Variants in CAMSAP2 observed in about 807,000 individuals in gnomAD.
CAMSAP2 encodes calmodulin regulated spectrin associated protein family member 2.
A neutral mutation model predicts 146.1 loss-of-function variants in CAMSAP2; 26 were observed. That is an observed-to-expected ratio of 0.18 (90% CI 0.13 to 0.25). The LOEUF is 0.25. Ranked by LOEUF, CAMSAP2 falls within the 10% of genes least tolerant of loss-of-function variation. The pLI, the probability that CAMSAP2 is intolerant of heterozygous loss-of-function variation, is 1.00. For missense variants in CAMSAP2, 1,381 were observed against 1,759.3 expected (o/e 0.78, Z 3.85); for synonymous variants, 499 against 596.6 (o/e 0.84, Z 2.38).
In CAMSAP2 at chr1:200,842,078, C is replaced by T. The variant is rs1667336974; in HGVS notation, c.1012C>T (p.Pro338Ser). The change falls in exon 7 of 17, where the codon CCA becomes TCA. Residue 338 changes from proline (P) to serine (S), a missense_variant. Physicochemically the swap from Pro to Ser is moderately conservative, Grantham distance 74. This residue lies in a region of CAMSAP2 where 447 missense variants were observed against 462.2 expected (regional missense o/e 0.97). Coordinates refer to ENST00000358823, the MANE Select transcript of CAMSAP2 (RefSeq NM_203459.4). ...TTTTGTACAGCCTCGTGTTGTTCGTCCACAAGGAGGTAATCAATCTTTTTA... is the reference window on the plus strand; with the variant it reads ...TTTTGTACAGCCTCGTGTTGTTCGTTCACAAGGAGGTAATCAATCTTTTTA... ...PSFVQPRVVR[P>S]QGAEPVKDMP... The T allele has an allele frequency of 3.7e-6, 6 of 1,611,832 alleles. No homozygotes were observed. Among genetic ancestry groups the T allele is most frequent in the Non-Finnish European group, 5.1e-6 (6 of 1,178,068 alleles).
intron 3 of CAMSAP2, among the ~76,000 whole-genome samples, chr1:200,814,147 C>CGGGGGGGAGGGGGGGGG (rs1316609882): frequency 3.2e-4 from 1 of 3,168 alleles, no homozygotes; most frequent in Non-Finnish European, 6.5e-4. Flanking sequence ...GAGGGGTGGG[C>CGGGGGGGAGGGGGGGGG]GGGTGGGGAA....
intron 1 of CAMSAP2, among the ~76,000 whole-genome samples, chr1:200,748,788 G>A (rs565754015): frequency 6.7e-6 from 1 of 149,720 alleles, no homozygotes; most frequent in South Asian, 2.1e-4. Flanking sequence ...TACTTTATAC[G>A]TGGTGTATAG....
intron 1 of CAMSAP2, among the ~76,000 whole-genome samples, chr1:200,755,284 A>G (rs1057066540): frequency 5.3e-5 from 8 of 152,206 alleles, no homozygotes; most frequent in Admixed American, 3.3e-4. Flanking sequence ...AGCTAAATCT[A>G]TTTCTTTTGC....
chr1:200,814,631 AAAACAAG>A (rs1212175822), intron 3 of CAMSAP2, among the ~76,000 whole-genome samples: 10 of 72,950 alleles, frequency 1.4e-4, no homozygotes, highest in African/African-American at 3.7e-4. Flanking sequence ...AAAAAAAAAA[AAAACAAG>A]AAGAAGATAT....
intron 1 of CAMSAP2, among the ~76,000 whole-genome samples, chr1:200,744,552 A>C (rs1036270224): frequency 6.6e-6 from 1 of 152,218 alleles, no homozygotes; most frequent in Non-Finnish European, 1.5e-5. Context: ...ATGCTTTGCT[A>C]GGGGAGGTAT....
At chr1:200,830,353 A>G (rs1000647307) in intron 4 of CAMSAP2, among the ~76,000 whole-genome samples, 1 of 152,232 alleles carries the variant, frequency 6.6e-6, no homozygotes, top group Non-Finnish European at 1.5e-5. Flanking sequence ...GTTTGCACAT[A>G]CCTTGTACAA....
intron 2 of CAMSAP2, among the ~76,000 whole-genome samples, chr1:200,791,386 A>G (rs1343154462): frequency 6.6e-6 from 1 of 151,892 alleles, no homozygotes; most frequent in Non-Finnish European, 1.5e-5. Flanking sequence ...AAAGCTACTC[A>G]TATCCTTGAG....
chr1:200,847,170 C>A, intron 8 of CAMSAP2, 40 bp from the exon 9 acceptor site: 1 of 1,424,986 alleles, frequency 7.0e-7, no homozygotes, highest in Non-Finnish European at 9.8e-7. Flanking sequence ...TTATATTAAA[C>A]AGCTAAAATA....
chr1:200,745,006 A>C (rs1311162094), intron 1 of CAMSAP2, among the ~76,000 whole-genome samples: 1 of 152,190 alleles, frequency 6.6e-6, no homozygotes, highest in African/African-American at 2.4e-5. Context: ...AATACTATTA[A>C]GTATATTAAA....
chr1:200,817,185 C>CATATGTGTGTATGTGTGTAT (rs1262119747), intron 4 of CAMSAP2, among the ~76,000 whole-genome samples: 3 of 70,800 alleles, frequency 4.2e-5, no homozygotes, highest in African/African-American at 6.8e-5. Context: ...TATACACACA[C>CATATGTGTGTATGTGTGTAT]ACACATGTGT....
At chr1:200,749,559 A>G (rs1163649041) in intron 1 of CAMSAP2, among the ~76,000 whole-genome samples, 1 of 152,096 alleles carries the variant, frequency 6.6e-6, no homozygotes, top group East Asian at 1.9e-4. Flanking sequence ...TGTTTTTTCC[A>G]TCCCTTTCTA....
At position 200,852,553 on chromosome 1, in the gene CAMSAP2, G is replaced by T; in HGVS notation, c.3478G>T (p.Ala1160Ser). 1 of 1,611,806 alleles carries T rather than the reference G, an allele frequency of 6.2e-7. No individual in the cohort carries two copies. The highest frequency in any genetic ancestry group is 8.5e-7 in the Non-Finnish European group (1 of 1,179,416). ...CGFFFKDDQK[A>S]ENDMAMKRAA... ...AATTCGTTCTTAGGATGATCAAAAA[G>T]CAGAAAATGATATGGCAATGAAACG... is the stretch of plus-strand genomic sequence containing the variant. The change falls in exon 12 of 17, where the codon GCA (alanine) becomes TCA (serine). Residue 1160 changes from alanine to serine, a missense_variant. Ala to Ser is a moderately conservative substitution (Grantham distance 99, BLOSUM62 1). Coordinates refer to ENST00000358823, the MANE Select transcript of CAMSAP2 (RefSeq NM_203459.4).
At position 200,857,550 on chromosome 1, in the gene CAMSAP2, A is replaced by T; in HGVS notation, c.4131+126A>T. The T allele has an allele frequency of 1.2e-6, 1 of 803,570 alleles. No individual in the cohort carries two copies. The allele number at this position is 803,570 out of a possible 1,614,324, so 49.8% of individuals were successfully genotyped here. On this transcript the variant is annotated intron_variant, in intron 16 of 16. Transcript: ENST00000358823. The surrounding 1 kb of genome is among the most constrained non-coding windows in gnomAD (Gnocchi z 4.7). ...AAAAAGATCTGTAGCTAGATGTTTT[A>T]ATTATCAGATTTAGTTTATTTTCAC... is the stretch of plus-strand genomic sequence containing the variant.
chr1:200,840,555 C>T (rs754111356), intron 6 of CAMSAP2, among the ~76,000 whole-genome samples: 4 of 152,294 alleles, frequency 2.6e-5, no homozygotes, highest in Non-Finnish European at 4.4e-5. Context: ...TGAGCCACTG[C>T]GCCCAGCCTC....
chr1:200,801,001 C>T lies in CAMSAP2; in HGVS notation c.400-6375C>T, dbSNP rs112645509. Among the ~76,000 whole-genome samples, 1,433 of 152,272 alleles carry T rather than the reference C, an allele frequency of 9.4e-3. 29 individuals carry two copies. The highest frequency in any genetic ancestry group is 0.032 in the African/African-American group (1,347 of 41,534). ...AAGGTTGAGGCCTGACGCAGTGGCT[C>T]ACACCTGTAATTGCAGCACTTTGGG... On this transcript the variant is annotated intron_variant, in intron 2 of 16. Transcript: ENST00000358823.
intron 6 of CAMSAP2, among the ~76,000 whole-genome samples, chr1:200,837,044 T>C (rs1418806461): frequency 2.6e-5 from 4 of 152,222 alleles, no homozygotes; most frequent in Non-Finnish European, 4.4e-5. Flanking sequence ...ATAAGCTCTC[T>C]GTTCACACTG....
At chr1:200,759,278 C>CTCT (rs1241403893) in intron 1 of CAMSAP2, among the ~76,000 whole-genome samples, 1 of 111,130 alleles carries the variant, frequency 9.0e-6, no homozygotes, top group Non-Finnish European at 2.2e-5. Flanking sequence ...TCCTGCTATT[C>CTCT]TATTTTTTTT....
intron 2 of CAMSAP2, among the ~76,000 whole-genome samples, chr1:200,764,407 A>G (rs1664884833): frequency 6.6e-6 from 1 of 152,216 alleles, no homozygotes; most frequent in Non-Finnish European, 1.5e-5. Flanking sequence ...CTTTAGAAGA[A>G]TTTACACCAG....
chr1:200,783,438 T>C (rs1412058224), intron 2 of CAMSAP2, among the ~76,000 whole-genome samples: 1 of 152,180 alleles, frequency 6.6e-6, no homozygotes, highest in Non-Finnish European at 1.5e-5. Flanking sequence ...CTTTGACAAA[T>C]ACATGCATTG....
Sources: gnomAD v4.1 joint callset for allele counts (sites outside exome capture counted in the v4.1 genomes callset) on GRCh38, gnomAD v4.1.1 for gene constraint, gnomAD v4.1.1 regional missense constraint, Gnocchi (gnomAD v3.1) non-coding constraint, MANE v1.5 for transcripts, NCBI Gene and HGNC (gene_info 2026-07-23, HGNC 2026-07-21) for gene names.